The following PLCD1 variants were observed in gnomAD, a reference collection of about 807,000 sequenced individuals.
The protein encoded by PLCD1 is 1-phosphatidylinositol 4,5-bisphosphate phosphodiesterase delta-1.
Under a neutral mutation model 87.4 loss-of-function variants are expected in PLCD1, and 71 were observed. The ratio of observed to expected loss-of-function variants is 0.81; its 90% CI spans 0.67 to 0.99. The LOEUF is 0.99. PLCD1 is among the 50% of genes least tolerant of loss of function. The probability of loss-of-function intolerance (pLI) is 0.00; values close to 1 mark genes in which losing one functional copy is unlikely to be tolerated. For synonymous variants in PLCD1, 348 were observed against 399.2 expected (o/e 0.87, Z 1.53); for missense variants, 867 against 1,001.5 (o/e 0.87, Z 1.81).
rs140346131 is a variant in PLCD1, at chr3:38,008,129, A to G, written c.2070T>C (p.Phe690=). 10 of 1,613,898 alleles carry G rather than the reference A, an allele frequency of 6.2e-6. No homozygotes were observed. The African/African-American group carries it at 1.3e-4, about 22-fold the overall frequency. ...FNPWWDTEFA[F]EVVVPDLALI... ...GGGCAAGGTCAGGCACAACTACCTC[A>G]AACGCAAACTCCGTGTCCCACCATG... is the stretch of plus-strand genomic sequence containing the variant. The change falls in exon 14 of 15, where the codon TTT becomes TTC. Residue 690 remains phenylalanine, a synonymous_variant. Coordinates refer to ENST00000334661, the MANE Select transcript of PLCD1 (RefSeq NM_006225.4).
chr3:38,008,170 G>C lies in PLCD1; in HGVS notation c.2036-7C>G, dbSNP rs758362747. 1 of 1,613,582 alleles carries C rather than the reference G, an allele frequency of 6.2e-7. No homozygotes were observed. Among genetic ancestry groups the C allele is most frequent in the Non-Finnish European group, 8.5e-7 (1 of 1,180,012 alleles). On this transcript the variant is annotated splice_region_variant and splice_polypyrimidine_tract_variant and intron_variant, in intron 13 of 14. Transcript: ENST00000334661. ...TCCCACCATGGGTTGAAACCTAGGGGGACAGGCACCATATCAGCAGCATGG... is the reference window on the plus strand; with the variant it reads ...TCCCACCATGGGTTGAAACCTAGGGCGACAGGCACCATATCAGCAGCATGG...
Position 38,007,748 on chromosome 3 carries a change from G to T in PLCD1, c.*25C>A, listed in dbSNP as rs1242996564. 3 of 1,583,406 alleles carry T rather than the reference G, an allele frequency of 1.9e-6. No homozygotes were observed. The highest frequency in any genetic ancestry group is 2.6e-6 in the Non-Finnish European group (3 of 1,152,248). On this transcript the variant is annotated 3_prime_UTR_variant, in exon 15 of 15. Coordinates refer to ENST00000334661, the MANE Select transcript of PLCD1 (RefSeq NM_006225.4). ...GGACAGAGGGCCCAGCCCACTCAGGGGGGACCCCACTGGCTTCCTCCAGCC... is the reference window on the plus strand; with the variant it reads ...GGACAGAGGGCCCAGCCCACTCAGGTGGGACCCCACTGGCTTCCTCCAGCC...
At position 38,025,033 on chromosome 3, in the gene PLCD1, C is replaced by A. The variant is rs113292368; in HGVS notation, c.34+4473G>T. ...GGGGGCGGGGCCAGAGCCAAGGCAG[C>A]GGGGCGAAGGAGGGGCCAGGCTCAG... is the stretch of plus-strand genomic sequence containing the variant. On this transcript the variant is annotated intron_variant, in intron 1 of 14. Coordinates refer to ENST00000334661, the MANE Select transcript of PLCD1 (RefSeq NM_006225.4). This position sits in a 1 kb window ranked among gnomAD's most constrained non-coding sequence, Gnocchi z 4.0. Among the ~76,000 whole-genome samples, 48 of 152,106 alleles carry A rather than the reference C, an allele frequency of 3.2e-4. No homozygotes were observed. The highest frequency in any genetic ancestry group is 1.1e-3 in the African/African-American group (47 of 41,488).
rs374157848 is a variant in PLCD1 at position 38,020,221 on chromosome 3, G to A, written c.166C>T (p.Arg56Cys). The A allele has an allele frequency of 9.3e-6, 15 of 1,614,016 alleles. No individual in the cohort carries two copies. Among genetic ancestry groups the A allele is most frequent in the African/African-American group, 1.3e-5 (1 of 75,030 alleles). ...EDCKTIWQES[R>C]KVMRTPESQL... ...GACTCCGGGGTCCGCATGACCTTGC[G>A]GGACTCCTGCCAGATGGTCTTGCAG... Residue 56 changes from arginine (R) to cysteine (C), a missense_variant, in exon 2 of 15, where the codon CGC becomes TGC. Coordinates refer to ENST00000334661, the MANE Select transcript of PLCD1 (RefSeq NM_006225.4).
chr3:38,011,088 C>A, intron 5 of PLCD1, 126 bp downstream of exon 5: 4 of 687,106 alleles, frequency 5.8e-6, no homozygotes, highest in Non-Finnish European at 9.7e-6. Context: ...TGGAGCAGGG[C>A]CCCGGGGCTG....
At chr3:38,027,611 A>G (rs559348279) in intron 1 of PLCD1, among the ~76,000 whole-genome samples, 2 of 152,332 alleles carry the variant, frequency 1.3e-5, no homozygotes, top group East Asian at 3.9e-4. Flanking sequence ...CCCCAGGCCA[A>G]CAGAAGGAGT....
chr3:38,016,777 AC>A, intron 2 of PLCD1, 58 bp from the exon 3 acceptor site: 20 of 1,272,318 alleles, frequency 1.6e-5, no homozygotes, highest in Non-Finnish European at 2.1e-5. Flanking sequence ...TCAGTCCCTG[AC>A]CCTGACATGG....
intron 1 of PLCD1, among the ~76,000 whole-genome samples, chr3:38,026,414 G>A (rs1038461065): frequency 1.3e-5 from 2 of 152,210 alleles, no homozygotes; most frequent in African/African-American, 4.8e-5. Flanking sequence ...AGCTACTTGG[G>A]AGGCTGAGGC....
At position 38,025,646 on chromosome 3, in the gene PLCD1, C is replaced by G. The variant is rs549535865; in HGVS notation, c.34+3860G>C. Among the ~76,000 whole-genome samples the G allele has an allele frequency of 6.6e-5, 10 of 152,322 alleles. No homozygotes were observed. The highest frequency in any genetic ancestry group is 1.2e-4 in the Non-Finnish European group (8 of 68,032). On this transcript the variant is annotated intron_variant, in intron 1 of 14. Transcript: ENST00000334661. This position sits in a 1 kb window ranked among gnomAD's most constrained non-coding sequence, Gnocchi z 4.0. ...TGATCTTAAAATAAGCCCATTAACC[C>G]AGGGTGGCTTTCATAAATACATGAG...
rs1195303435 is a variant in PLCD1, at chr3:38,009,381, G to T, written c.1497C>A (p.Cys499Ter). The change falls in exon 10 of 15, where the codon TGC (cysteine) becomes TGA (stop). Residue 499 changes from cysteine (C) to a stop codon, truncating the protein, a stop_gained. Transcript: ENST00000334661. LOFTEE classifies it high-confidence loss of function. ...AQELSDMVIY[C>*]KSVHFGGFSS... Reference sequence around the variant, plus strand: ...AGAAGCCCCCAAAGTGGACACTCTTGCAGTAAATGACCATGTCAGAGAGCT... The same window carrying T: ...AGAAGCCCCCAAAGTGGACACTCTTTCAGTAAATGACCATGTCAGAGAGCT... The T allele has an allele frequency of 6.2e-7, 1 of 1,614,004 alleles. No homozygotes were observed. Among genetic ancestry groups the T allele is most frequent in the Non-Finnish European group, 8.5e-7 (1 of 1,179,972 alleles).
rs554115201 is a variant in PLCD1 at position 38,011,008 on chromosome 3, A to G, written c.790+206T>C. ...CTGAAGGAGGTGCCAAGAGGGAAACAGGACCAGAGAAGGGTAGGGATGCCA... is the reference window on the plus strand; with the variant it reads ...CTGAAGGAGGTGCCAAGAGGGAAACGGGACCAGAGAAGGGTAGGGATGCCA... On this transcript the variant is annotated intron_variant, in intron 5 of 14. Transcript: ENST00000334661. 9.2e-5 allele frequency among the ~76,000 whole-genome samples: 14 copies of G among 152,356 alleles called. No individual in the cohort carries two copies. In the South Asian group the frequency reaches 2.3e-3, roughly 25 times the overall value.
At position 38,017,528 on chromosome 3, in the gene PLCD1, T is replaced by C. The variant is rs1232336588; in HGVS notation, c.200-809A>G. On this transcript the variant is annotated intron_variant, in intron 2 of 14. Transcript: ENST00000334661. The surrounding 1 kb of genome is among the most constrained non-coding windows in gnomAD (Gnocchi z 4.7). ...GAGGGCCCTCCCCTCACACCCAGCC[T>C]TCCAAGCTTCAGGGAGATGCCAGGC... Among the ~76,000 whole-genome samples the C allele has an allele frequency of 6.6e-6, 1 of 152,094 alleles. No individual in the cohort carries two copies. Among genetic ancestry groups the C allele is most frequent in the African/African-American group, 2.4e-5 (1 of 41,430 alleles).
Position 38,010,532 on chromosome 3 carries a change from C to G in PLCD1, c.821G>C (p.Gly274Ala). The change falls in exon 6 of 15, where the codon GGC (glycine) becomes GCC (alanine). Residue 274 changes from glycine (G) to alanine (A), a missense_variant. Transcript: ENST00000334661. Reference protein sequence around the residue: ...AKAQRQMTKDGFLMYLLSADG... With the variant: ...AKAQRQMTKDAFLMYLLSADG... Reference sequence around the variant, plus strand: ...AGCCGACAGTAAGTACATGAGGAAGCCGTCCTTGGTCATCTGCCGCTGCGC... The same window carrying G: ...AGCCGACAGTAAGTACATGAGGAAGGCGTCCTTGGTCATCTGCCGCTGCGC... 1 of 1,614,062 alleles carries G rather than the reference C, an allele frequency of 6.2e-7. No individual in the cohort carries two copies. The highest frequency in any genetic ancestry group is 8.5e-7 in the Non-Finnish European group (1 of 1,179,970).
Position 38,010,226 on chromosome 3 carries a change from G to C in PLCD1, c.1042C>G (p.Pro348Ala). Residue 348 changes from proline (P) to alanine (A), a missense_variant, in exon 7 of 15, where the codon CCC (proline) becomes GCC (alanine). Physicochemically the swap from Pro to Ala is conservative, Grantham distance 27. Coordinates refer to ENST00000334661, the MANE Select transcript of PLCD1 (RefSeq NM_006225.4). The part of the protein sequence containing the change: ...RCLELDCWDG[P>A]NQEPIIYHGY... ...TGGTAGATGATTGGTTCCTGGTTGG[G>C]CCCGTCCCAGCAGTCAAGCTCCAGG... 6.2e-7 allele frequency: 1 copy of C among 1,614,212 alleles called. No homozygotes were observed. The highest frequency in any genetic ancestry group is 2.2e-5 in the East Asian group (1 of 44,874).
At position 38,009,360 on chromosome 3, in the gene PLCD1, GCCC is replaced by G; in HGVS notation, c.1515_1517del (p.Gly506del). 6.2e-7 allele frequency: 1 copy of G among 1,614,114 alleles called. No homozygotes were observed. The highest frequency in any genetic ancestry group is 8.5e-7 in the Non-Finnish European group (1 of 1,179,948). Reference sequence around the variant, plus strand: ...GTCCAGGGGTGCCAGGACTGGAGAAGCCCCCAAAGTGGACACTCTTGCAGTAAA... The same window carrying G: ...GTCCAGGGGTGCCAGGACTGGAGAAGCCAAAGTGGACACTCTTGCAGTAAA... On this transcript the variant is annotated inframe_deletion, in exon 10 of 15. Coordinates refer to ENST00000334661, the MANE Select transcript of PLCD1 (RefSeq NM_006225.4).
intron 3 of PLCD1, among the ~76,000 whole-genome samples, chr3:38,015,667 G>C (rs563109877): frequency 1.3e-5 from 2 of 152,152 alleles, no homozygotes; most frequent in South Asian, 4.1e-4. Flanking sequence ...CCAGAAGCCC[G>C]ACCACTTCGA....
At position 38,025,834 on chromosome 3, in the gene PLCD1, C is replaced by T. The variant is rs1311264516; in HGVS notation, c.34+3672G>A. On this transcript the variant is annotated intron_variant, in intron 1 of 14. Transcript: ENST00000334661. This position sits in a 1 kb window ranked among gnomAD's most constrained non-coding sequence, Gnocchi z 4.0. ...CACCCAGAGGCCTGACTCTTACTCT[C>T]AGCCTCTGAATAGTTCCCCCAGTTC... is the stretch of plus-strand genomic sequence containing the variant. 2.0e-5 allele frequency among the ~76,000 whole-genome samples: 3 copies of T among 152,210 alleles called. No homozygotes were observed. The highest frequency in any genetic ancestry group is 7.2e-5 in the African/African-American group (3 of 41,448).
rs1700038634 is a variant in PLCD1 at position 38,009,782 on chromosome 3, C to T, written c.1317G>A (p.Gly439=). 6.2e-7 allele frequency: 1 copy of T among 1,614,058 alleles called. No individual in the cohort carries two copies. The highest frequency in any genetic ancestry group is 1.3e-5 in the African/African-American group (1 of 75,064). The part of the protein sequence containing the change: ...EQLKGKILLK[G]KKLGGLLPPG... ...GGGGCAGGAGCCCCCCGAGCTTCTT[C>T]CCCTTCAGCAGGATCTTCCCCTTCA... Residue 439 remains glycine, a synonymous_variant, in exon 9 of 15, where the codon GGG becomes GGA. Transcript: ENST00000334661.
Position 38,010,019 on chromosome 3 carries a change from T to A in PLCD1, c.1172A>T (p.Asn391Ile), listed in dbSNP as rs1346364407. 3 of 1,614,038 alleles carry A rather than the reference T, an allele frequency of 1.9e-6. No individual in the cohort carries two copies. Among genetic ancestry groups the A allele is most frequent in the Non-Finnish European group, 2.5e-6 (3 of 1,180,014 alleles). Reference sequence around the variant, plus strand: ...GCGCTGCTGCTCCAGTGTGCAGTGGTTCTCCAGGGATAGGATGACAGGGTA... The same window carrying A: ...GCGCTGCTGCTCCAGTGTGCAGTGGATCTCCAGGGATAGGATGACAGGGTA... ...SPYPVILSLE[N>I]HCTLEQQRVM... The change falls in exon 8 of 15, where the codon AAC becomes ATC. Residue 391 changes from asparagine to isoleucine, a missense_variant. Coordinates refer to ENST00000334661, the MANE Select transcript of PLCD1 (RefSeq NM_006225.4).
Sources: gnomAD v4.1 joint callset for allele counts (sites outside exome capture counted in the v4.1 genomes callset) on GRCh38, gnomAD v4.1.1 for gene constraint, Gnocchi (gnomAD v3.1) non-coding constraint, MANE v1.5 for transcripts, NCBI Gene and HGNC (gene_info 2026-07-23, HGNC 2026-07-21) for gene names.